Variants in GPC6 observed in about 807,000 individuals in gnomAD.
The protein encoded by GPC6 is glypican-6.
GPC6 carries 14 observed loss-of-function variants against 55.2 expected under a neutral mutation model. The observed-to-expected ratio is 0.25, with a 90% CI of 0.17 to 0.40. GPC6 has a LOEUF of 0.40. GPC6 is among the 10% of genes least tolerant of loss of function. The pLI, the probability that GPC6 is intolerant of heterozygous loss-of-function variation, is 1.00. For missense variants in GPC6, 641 were observed against 708.5 expected (o/e 0.90, Z 1.08); for synonymous variants, 278 against 259.6 (o/e 1.07, Z -0.68).
rs142877966 is a variant in GPC6, at chr13:93,966,997, T to C, written c.712-60732T>C. ...AAAGTTTAGACTGAAGGTGATGTCA[T>C]AGATTTAAACAGTCTCTCCCTAACC... On this transcript the variant is annotated intron_variant, in intron 3 of 8. Coordinates refer to ENST00000377047, the MANE Select transcript of GPC6 (RefSeq NM_005708.5). 8.7e-4 allele frequency among the ~76,000 whole-genome samples: 133 copies of C among 152,230 alleles called. 1 individual carries two copies. The highest frequency in any genetic ancestry group is 3.2e-3 in the African/African-American group (131 of 41,538).
At position 93,238,664 on chromosome 13, in the gene GPC6, A is replaced by G. The variant is rs144534942; in HGVS notation, c.160+11048A>G. Reference sequence around the variant, plus strand: ...CTTGTCTTGTTCCACTTATTAAGGGAAATGTTCTTATGGGGGGATGCTTTC... The same window carrying G: ...CTTGTCTTGTTCCACTTATTAAGGGGAATGTTCTTATGGGGGGATGCTTTC... On this transcript the variant is annotated intron_variant, in intron 1 of 8. Coordinates refer to ENST00000377047, the MANE Select transcript of GPC6 (RefSeq NM_005708.5). 5.3e-5 allele frequency among the ~76,000 whole-genome samples: 8 copies of G among 150,082 alleles called. No individual in the cohort carries two copies. In the East Asian group the frequency reaches 1.6e-3, roughly 30 times the overall value.
intron 4 of GPC6, among the ~76,000 whole-genome samples, chr13:94,264,770 C>A (rs1047029572): frequency 6.6e-6 from 1 of 152,088 alleles, no homozygotes; most frequent in Admixed American, 6.6e-5. Context: ...ACAGTCATAC[C>A]CAAGACGGGT....
At chr13:94,187,730 GA>G (rs148636293) in intron 4 of GPC6, 2,676 of 152,142 alleles carry the variant, frequency 0.018, 93 homozygotes, top group African/African-American at 0.062. Flanking sequence ...CAGTGGAAAG[GA>G]AAAGACCAAA....
At chr13:94,302,091 G>A (rs934459157) in intron 5 of GPC6, among the ~76,000 whole-genome samples, 31 of 152,080 alleles carry the variant, frequency 2.0e-4, no homozygotes, top group African/African-American at 6.0e-4. Context: ...CACCCACCTC[G>A]TGACTCTCAT....
At chr13:93,890,206 C>T (rs375565708) in intron 3 of GPC6, among the ~76,000 whole-genome samples, 2 of 152,040 alleles carry the variant, frequency 1.3e-5, no homozygotes, top group African/African-American at 4.8e-5. Flanking sequence ...TATTGTATTG[C>T]GCTGGAACTA....
chr13:94,305,540 A>G (rs1033336468), intron 5 of GPC6, among the ~76,000 whole-genome samples: 1 of 152,232 alleles, frequency 6.6e-6, no homozygotes, highest in Non-Finnish European at 1.5e-5. Flanking sequence ...ATTGTACTAC[A>G]TAGACCACAA....
At chr13:93,252,090 T>C (rs1461291081) in intron 1 of GPC6, among the ~76,000 whole-genome samples, 1 of 152,202 alleles carries the variant, frequency 6.6e-6, no homozygotes, top group Admixed American at 6.5e-5. Flanking sequence ...AAAAGTCTTA[T>C]TCAAACCTAA....
intron 1 of GPC6, among the ~76,000 whole-genome samples, chr13:93,339,548 TG>T: frequency 6.6e-6 from 1 of 152,142 alleles, no homozygotes; most frequent in East Asian, 1.9e-4. Context: ...CAATAATTGT[TG>T]AATGCATGAG....
intron 1 of GPC6, among the ~76,000 whole-genome samples, chr13:93,228,103 C>A (rs1875871026): frequency 6.6e-6 from 1 of 152,126 alleles, no homozygotes; most frequent in Non-Finnish European, 1.5e-5. Flanking sequence ...GCGGAGGGCT[C>A]CCCCAGCCCC....
chr13:93,659,042 C>A (rs1484011917), intron 2 of GPC6, among the ~76,000 whole-genome samples: 1 of 151,822 alleles, frequency 6.6e-6, no homozygotes. Context: ...GATCCATTTT[C>A]TTTGATGGGC....
chr13:93,875,975 C>A (rs936690985), intron 3 of GPC6, among the ~76,000 whole-genome samples: 5 of 152,026 alleles, frequency 3.3e-5, no homozygotes, highest in African/African-American at 9.7e-5. Flanking sequence ...CAAAGCTAGT[C>A]TGCAGCATTA....
intron 2 of GPC6, among the ~76,000 whole-genome samples, chr13:93,634,792 T>G (rs1879623677): frequency 6.6e-6 from 1 of 152,184 alleles, no homozygotes; most frequent in Admixed American, 6.5e-5. Flanking sequence ...TACTTATGTC[T>G]CATTGTGCAG....
intron 2 of GPC6, among the ~76,000 whole-genome samples, chr13:93,599,286 T>TA (rs66801721): frequency 0.01 from 1,462 of 139,400 alleles, 15 homozygotes; most frequent in East Asian, 0.052. Flanking sequence ...CAAATATTGG[T>TA]AAAAAAAAAA....
chr13:94,036,717 C>T (rs1883346819), intron 4 of GPC6, among the ~76,000 whole-genome samples: 1 of 151,968 alleles, frequency 6.6e-6, no homozygotes, highest in South Asian at 2.1e-4. Flanking sequence ...GAATGAATCC[C>T]GGCAGTGACC....
At chr13:93,500,556 C>T (rs147249691) in intron 1 of GPC6, among the ~76,000 whole-genome samples, 5 of 152,180 alleles carry the variant, frequency 3.3e-5, no homozygotes, top group East Asian at 3.9e-4. Flanking sequence ...TAATATCCCA[C>T]GAACATATAT....
intron 4 of GPC6, among the ~76,000 whole-genome samples, chr13:94,081,380 G>T (rs1171918220): frequency 2.0e-5 from 3 of 152,108 alleles, no homozygotes; most frequent in Admixed American, 2.0e-4. Flanking sequence ...CCACTGGTTT[G>T]TCATGAACAC....
In GPC6 at chr13:94,062,498, G is replaced by A. The variant is rs185663798; in HGVS notation, c.877+34604G>A. ...ACTCCTGACCTTGAGTGATCCACCC[G>A]CCTCGACCTCCCAAAGTTCTGTGAT... is the stretch of plus-strand genomic sequence containing the variant. On this transcript the variant is annotated intron_variant, in intron 4 of 8. Coordinates refer to ENST00000377047, the MANE Select transcript of GPC6 (RefSeq NM_005708.5). Among the ~76,000 whole-genome samples, 218 of 151,988 alleles carry A rather than the reference G, an allele frequency of 1.4e-3. 1 individual carries two copies. In the Middle Eastern group the frequency reaches 0.017, roughly 12 times the overall value.
intron 2 of GPC6, among the ~76,000 whole-genome samples, chr13:93,715,387 T>G (rs1281001383): frequency 1.3e-5 from 2 of 151,584 alleles, no homozygotes; most frequent in Non-Finnish European, 3.0e-5. Flanking sequence ...ATATTCTCAC[T>G]TGTTAGTGGG....
In GPC6 at chr13:94,085,001, C is replaced by G. The variant is rs114528810; in HGVS notation, c.877+57107C>G. Among the ~76,000 whole-genome samples, 1,008 of 151,934 alleles carry G rather than the reference C, an allele frequency of 6.6e-3. 10 individuals carry two copies. Among genetic ancestry groups the G allele is most frequent in the African/African-American group, 0.022 (913 of 41,452 alleles). ...CTATATCATGGATCTTATACTTTAT[C>G]TAGTGAGCAATGGTATAATTCATGT... On this transcript the variant is annotated intron_variant, in intron 4 of 8. Coordinates refer to ENST00000377047, the MANE Select transcript of GPC6 (RefSeq NM_005708.5).
Sources: gnomAD v4.1 joint callset for allele counts (sites outside exome capture counted in the v4.1 genomes callset) on GRCh38, gnomAD v4.1.1 for gene constraint, MANE v1.5 for transcripts, NCBI Gene and HGNC (gene_info 2026-07-23, HGNC 2026-07-21) for gene names.